ZMYM5: variants seen among roughly 807,000 people sequenced by gnomAD.
ZMYM5 encodes zinc finger MYM-type protein 5.
In ZMYM5, 41 loss-of-function variants were observed where a neutral mutation model predicts 61.8. The observed-to-expected ratio is 0.66, with a 90% CI of 0.52 to 0.86. The LOEUF (loss-of-function observed/expected upper bound fraction) is 0.86, where lower values mean the gene tolerates loss of function less well. Among genes scored for constraint, ZMYM5 ranks in the 40% least tolerant of loss-of-function variants. ZMYM5 has a pLI of 0.00. For synonymous variants in ZMYM5, 257 were observed against 276.4 expected (o/e 0.93, Z 0.70); for missense variants, 706 against 786.7 (o/e 0.90, Z 1.23).
At chr13:19,825,698 GA>G (rs1593836405) in intron 7 of ZMYM5, among the ~76,000 whole-genome samples, 1 of 148,914 alleles carries the variant, frequency 6.7e-6, no homozygotes, top group Non-Finnish European at 1.5e-5. Flanking sequence ...AAAAGAAGAA[GA>G]AAAAAAAAGG....
At chr13:19,837,428 CACA>C (rs542175826) in intron 6 of ZMYM5, 208 of 1,527,442 alleles carry the variant, frequency 1.4e-4, no homozygotes, top group African/African-American at 1.3e-3. Context: ...TGTTTATGAG[CACA>C]ACAATTCCAT....
chr13:19,825,870 G>A (rs964734407), intron 7 of ZMYM5, among the ~76,000 whole-genome samples: 4 of 151,766 alleles, frequency 2.6e-5, no homozygotes, highest in East Asian at 1.9e-4. Context: ...GCGAAACCCC[G>A]TCTCTGCTAA....
chr13:19,852,122 C>G lies in ZMYM5; in HGVS notation c.59G>C (p.Gly20Ala), dbSNP rs779070711. ...ELTEQTPALLGNMAMATSLMD... is the reference protein window; with the variant it reads ...ELTEQTPALLANMAMATSLMD... ...GAGACTAGTTGCCATGGCCATATTC[C>G]CTAATAAAGCAGGAGTCTGTTCAGT... The change falls in exon 3 of 8, where the codon GGG (glycine) becomes GCG (alanine). Residue 20 changes from glycine (G) to alanine (A), a missense_variant. Physicochemically the swap from Gly to Ala is moderately conservative, Grantham distance 60. Around this residue, in one of 2 missense-constraint regions of ZMYM5, gnomAD observed 480 missense variants for 461.7 expected, o/e 1.04. Transcript: ENST00000337963. 1.2e-6 allele frequency: 2 copies of G among 1,613,230 alleles called. No homozygotes were observed. Among genetic ancestry groups the G allele is most frequent in the East Asian group, 2.2e-5 (1 of 44,864 alleles).
intron 2 of ZMYM5, 95 bp from the exon 3 acceptor site, chr13:19,852,285 T>A: frequency 7.6e-7 from 1 of 1,315,352 alleles, no homozygotes; most frequent in Non-Finnish European, 1.0e-6. Flanking sequence ...TTCAAATTAT[T>A]TTTTGTGATA....
chr13:19,829,516 C>T (rs1891097365), intron 7 of ZMYM5, among the ~76,000 whole-genome samples: 1 of 152,054 alleles, frequency 6.6e-6, no homozygotes. Context: ...GTCTTGAACT[C>T]CTGGGCTCAA....
intron 4 of ZMYM5, among the ~76,000 whole-genome samples, chr13:19,850,803 C>G (rs1593901508): frequency 6.6e-6 from 1 of 152,122 alleles, no homozygotes; most frequent in East Asian, 1.9e-4. Context: ...TAAAGTATTT[C>G]AATTAAAATA....
Position 19,852,153 on chromosome 13 carries a change from C to G in ZMYM5, c.28G>C (p.Glu10Gln), listed in dbSNP as rs370422647. ...AAAGCAGGAGTCTGTTCAGTCAACT[C>G]TAATCCTCCCACTGAACATTTTTCC... MEKCSVGGL[E>Q]LTEQTPALLG... Residue 10 changes from glutamate (E) to glutamine (Q), a missense_variant, in exon 3 of 8, where the codon GAG becomes CAG. By Grantham distance (29) the Glu-to-Gln change is conservative. Coordinates refer to ENST00000337963, the MANE Select transcript of ZMYM5 (RefSeq NM_001142684.2). The G allele has an allele frequency of 5.5e-5, 89 of 1,606,594 alleles. No homozygotes were observed. The highest frequency in any genetic ancestry group is 7.4e-5 in the Non-Finnish European group (87 of 1,178,140).
chr13:19,850,941 G>A (rs1160610692), intron 4 of ZMYM5, among the ~76,000 whole-genome samples: 1 of 152,184 alleles, frequency 6.6e-6, no homozygotes, highest in East Asian at 1.9e-4. Context: ...GGGAGTGGTG[G>A]CTCACGCCTG....
At chr13:19,835,903 A>C in intron 6 of ZMYM5, among the ~76,000 whole-genome samples, 1 of 151,836 alleles carries the variant, frequency 6.6e-6, no homozygotes. Context: ...GGCTCACTGC[A>C]ACCTCTGCCT....
intron 7 of ZMYM5, among the ~76,000 whole-genome samples, chr13:19,831,729 G>A (rs902053370): frequency 7.4e-6 from 1 of 135,648 alleles, no homozygotes; most frequent in Non-Finnish European, 1.6e-5. Context: ...GAAGCGGGAG[G>A]TGGAGGTTAT....
Position 19,837,701 on chromosome 13 carries a change from TC to T in ZMYM5, c.992del (p.Gly331GlufsTer14). ...PCENNWNLKK[G>X]VFNKSRCTIC... ...TTGTACATCTTGACTTATTAAAAAC[TC>T]CTTTTTTAAGATTCCAGTTGTTTTC... On this transcript the variant is annotated frameshift_variant, in exon 6 of 8. Transcript: ENST00000337963. LOFTEE classifies it high-confidence loss of function. 1 of 1,578,024 alleles carries T rather than the reference TC, an allele frequency of 6.3e-7. No individual in the cohort carries two copies. The highest frequency in any genetic ancestry group is 8.6e-7 in the Non-Finnish European group (1 of 1,169,548).
chr13:19,840,142 CA>C (rs1195332058), intron 4 of ZMYM5, among the ~76,000 whole-genome samples: 3 of 152,154 alleles, frequency 2.0e-5, no homozygotes, highest in African/African-American at 7.2e-5. Flanking sequence ...AATCTATCTT[CA>C]AAAACAGCTT....
chr13:19,862,696 G>A (rs1477966099), intron 1 of ZMYM5, among the ~76,000 whole-genome samples: 1 of 152,216 alleles, frequency 6.6e-6, no homozygotes, highest in Non-Finnish European at 1.5e-5. Flanking sequence ...GGATGCAGTG[G>A]GCTCGGGGAT....
intron 2 of ZMYM5, among the ~76,000 whole-genome samples, chr13:19,859,663 T>C (rs1024557392): frequency 1.3e-4 from 19 of 151,878 alleles, no homozygotes; most frequent in Admixed American, 1.0e-3. Flanking sequence ...CACCTTGGCC[T>C]CCCAAAGTGC....
intron 7 of ZMYM5, among the ~76,000 whole-genome samples, chr13:19,830,727 T>C (rs1033609469): frequency 2.0e-5 from 3 of 152,086 alleles, no homozygotes; most frequent in Admixed American, 6.6e-5. Flanking sequence ...GGGCTCACCA[T>C]GTTGCCCAGG....
chr13:19,860,935 CGTGTGTGTGTGTGTGT>C (rs10690639), intron 2 of ZMYM5, among the ~76,000 whole-genome samples: 1 of 136,832 alleles, frequency 7.3e-6, no homozygotes, highest in African/African-American at 2.7e-5. Flanking sequence ...TATATGCGCA[CGTGTGTGTGTGTGTGT>C]GTGTGTGTGT....
Position 19,835,636 on chromosome 13 carries a change from A to C in ZMYM5, c.1092T>G (p.His364Gln), listed in dbSNP as rs747796183. 1.5e-6 allele frequency: 2 copies of C among 1,367,654 alleles called. No homozygotes were observed. Among genetic ancestry groups the C allele is most frequent in the South Asian group, 2.3e-5 (2 of 88,052 alleles). 84.7% of individuals were successfully genotyped at this position (1,367,654 alleles called of 1,614,324 possible). A position where few individuals can be genotyped will look rare whatever the true frequency, so the allele number is the denominator to read the frequency against. ...NNVTHKLCSN[H>Q]CFNKYRLANG... is the part of the protein sequence containing the mutation. ...TGGCCAATCTGTACTTATTAAAGCAATGGTTACTGCACAGTTTATGTGTTA... is the reference window on the plus strand; with the variant it reads ...TGGCCAATCTGTACTTATTAAAGCACTGGTTACTGCACAGTTTATGTGTTA... The change falls in exon 7 of 8, where the codon CAT becomes CAG. Residue 364 changes from histidine (H) to glutamine (Q), a missense_variant. His to Gln is a conservative substitution (Grantham distance 24). Coordinates refer to ENST00000337963, the MANE Select transcript of ZMYM5 (RefSeq NM_001142684.2).
At chr13:19,830,822 T>C (rs928061698) in intron 7 of ZMYM5, among the ~76,000 whole-genome samples, 6 of 150,354 alleles carry the variant, frequency 4.0e-5, no homozygotes, top group African/African-American at 1.5e-4. Flanking sequence ...TTGCCAACTG[T>C]TTATGAGTTA....
chr13:19,824,552 A>AC lies in ZMYM5; in HGVS notation c.1934_1935insG (p.Asn645LysfsTer2). ...TGTGTTCTGCAGCATCAATAGCTTT[A>AC]TTTTTTTTCAGATCAGATTTTAATT... On this transcript the variant is annotated frameshift_variant, in exon 8 of 8. Coordinates refer to ENST00000337963, the MANE Select transcript of ZMYM5 (RefSeq NM_001142684.2). LOFTEE classifies it high-confidence loss of function. 3.0e-6 allele frequency: 4 copies of AC among 1,320,784 alleles called. No individual in the cohort carries two copies. The highest frequency in any genetic ancestry group is 3.0e-6 in the Non-Finnish European group (3 of 1,001,676). The allele number at this position is 1,320,784 out of a possible 1,614,324, so 81.8% of individuals were successfully genotyped here. A position where few individuals can be genotyped will look rare whatever the true frequency, so the allele number is the denominator to read the frequency against.
Sources: allele counts gnomAD v4.1 joint callset (sites outside exome capture counted in the v4.1 genomes callset), GRCh38; gene constraint gnomAD v4.1.1; regional missense constraint gnomAD v4.1.1; transcripts MANE v1.5; gene names NCBI Gene and HGNC (gene_info 2026-07-23, HGNC 2026-07-21).